DRC5: variants seen among roughly 807,000 people sequenced by gnomAD.
DRC5 encodes T-complex-associated testis-expressed protein 1.
At chr6:44,282,511 T>C in the DRC5 span, 2 of 1,604,848 alleles carry the variant, frequency 1.2e-6, no homozygotes, top group Non-Finnish European at 1.7e-6. Context: ...CTTCGAATTA[T>C]GATGCGTGCC....
chr6:44,291,326 T>A, the DRC5 span, among the ~76,000 whole-genome samples: 21 of 152,216 alleles, frequency 1.4e-4, no homozygotes, highest in Non-Finnish European at 2.8e-4. Flanking sequence ...ACACACAAGA[T>A]TCTTCTAAGG....
At chr6:44,295,788 C>G in the DRC5 span, among the ~76,000 whole-genome samples, 10 of 152,172 alleles carry the variant, frequency 6.6e-5, no homozygotes, top group Non-Finnish European at 1.0e-4. Context: ...ACGGTGCCCC[C>G]CACTATCTGT....
chr6:44,282,217 G>A, the DRC5 span: 2 of 1,614,240 alleles, frequency 1.2e-6, no homozygotes, highest in Admixed American at 3.3e-5. Context: ...TTGCCACCGA[G>A]GTGCAGCGTG....
At chr6:44,286,675 G>A in the DRC5 span, 5 of 705,472 alleles carry the variant, frequency 7.1e-6, no homozygotes, top group Non-Finnish European at 9.4e-6. Flanking sequence ...CTGCTCTCAG[G>A]GGGGCTCAAG....
chr6:44,282,029 T>G, the DRC5 span: 22 of 1,344,202 alleles, frequency 1.6e-5, no homozygotes, highest in Non-Finnish European at 2.3e-5. Flanking sequence ...GTAAACTCTG[T>G]GATCTTCACA....
chr6:44,286,256 C>T, the DRC5 span: 2,763 of 1,612,570 alleles, frequency 1.7e-3, 49 homozygotes, highest in African/African-American at 0.032. Flanking sequence ...CACGTAATTC[C>T]GGCAGAGCGG....
chr6:44,282,699 G>A, the DRC5 span: 6 of 642,230 alleles, frequency 9.3e-6, no homozygotes, highest in East Asian at 8.2e-5. Flanking sequence ...CAGCATGGCA[G>A]AGTAGTGTAG....
chr6:44,289,918 T>C, the DRC5 span, among the ~76,000 whole-genome samples: 2 of 151,856 alleles, frequency 1.3e-5, no homozygotes, highest in Non-Finnish European at 2.9e-5. Context: ...TAGTGGCCGG[T>C]GGGAGGGAAC....
At chr6:44,281,960 A>G in the DRC5 span, 1 of 778,800 alleles carries the variant, frequency 1.3e-6, no homozygotes, top group Non-Finnish European at 2.1e-6. Flanking sequence ...TAAGGATTAA[A>G]GGAAAAATAA....
At chr6:44,282,761 T>C in the DRC5 span, among the ~76,000 whole-genome samples, 1 of 151,448 alleles carries the variant, frequency 6.6e-6, no homozygotes, top group Admixed American at 6.6e-5. Context: ...GAGCAATTAC[T>C]ACATGCTGGG....
the DRC5 span, chr6:44,280,400 G>T: frequency 6.2e-7 from 1 of 1,603,494 alleles, no homozygotes; most frequent in Non-Finnish European, 8.5e-7. Context: ...CCTGGGAGAA[G>T]GGTGCAAAGG....
chr6:44,291,223 A>G, the DRC5 span, among the ~76,000 whole-genome samples: 2 of 152,242 alleles, frequency 1.3e-5, no homozygotes, highest in Non-Finnish European at 2.9e-5. Flanking sequence ...AATTAATTGC[A>G]TAAGATCAGA....
the DRC5 span, among the ~76,000 whole-genome samples, chr6:44,280,884 G>A: frequency 6.6e-6 from 1 of 152,246 alleles, no homozygotes; most frequent in African/African-American, 2.4e-5. Context: ...AGAGCAGAGG[G>A]TAGCACTGAA....
At chr6:44,289,473 C>T in the DRC5 span, among the ~76,000 whole-genome samples, 4 of 152,124 alleles carry the variant, frequency 2.6e-5, no homozygotes, top group Admixed American at 6.5e-5. Flanking sequence ...TCAATGGGCA[C>T]ATTGAGCCTA....
At chr6:44,290,574 T>C in the DRC5 span, among the ~76,000 whole-genome samples, 14 of 152,098 alleles carry the variant, frequency 9.2e-5, no homozygotes, top group African/African-American at 3.4e-4. Flanking sequence ...TGTTGGGGGC[T>C]CATAGACAGT....
the DRC5 span, chr6:44,280,471 T>C: frequency 6.6e-6 from 7 of 1,057,184 alleles, no homozygotes; most frequent in Middle Eastern, 3.1e-4. Context: ...TTCAGGTAGA[T>C]GTGACTAAAA....
the DRC5 span, chr6:44,286,034 T>C: frequency 9.9e-6 from 16 of 1,611,442 alleles, no homozygotes; most frequent in Admixed American, 2.7e-4. Context: ...GAGGAAGAGA[T>C]TCCACTCGAA....
At chr6:44,291,702 G>A in the DRC5 span, among the ~76,000 whole-genome samples, 2 of 152,204 alleles carry the variant, frequency 1.3e-5, no homozygotes, top group African/African-American at 4.8e-5. Flanking sequence ...TTCCAGGTGG[G>A]GTTTCCCAGC....
the DRC5 span, among the ~76,000 whole-genome samples, chr6:44,297,354 C>T: frequency 6.6e-6 from 1 of 152,234 alleles, no homozygotes. Context: ...CCACTTTCCC[C>T]CTCTTCTTCC....
Sources: gnomAD v4.1 joint callset for allele counts (sites outside exome capture counted in the v4.1 genomes callset) on GRCh38, gnomAD v4.1.1 for gene constraint, MANE v1.5 for transcripts, NCBI Gene and HGNC (gene_info 2026-07-23, HGNC 2026-07-21) for gene names.